OPRM1: variants seen among roughly 807,000 people sequenced by gnomAD.
The protein encoded by OPRM1 is mu-type opioid receptor.
A neutral mutation model predicts 31.8 loss-of-function variants in OPRM1; 27 were observed. The observed-to-expected ratio is 0.85, with a 90% CI of 0.63 to 1.17. The LOEUF (loss-of-function observed/expected upper bound fraction) is 1.17, where lower values mean the gene tolerates loss of function less well. Ranked by LOEUF, OPRM1 falls within the 50% of genes most tolerant of loss-of-function variation. OPRM1 has a pLI of 0.00. For synonymous variants in OPRM1, 196 were observed against 189.9 expected (o/e 1.03, Z -0.26); for missense variants, 536 against 511.1 (o/e 1.05, Z -0.47).
chr6:154,154,776 A>T (rs1390845249), intron 3 of OPRM1: 1 of 152,600 alleles, frequency 6.6e-6, no homozygotes, highest in Non-Finnish European at 1.5e-5. Context: ...ATAAAGCAGG[A>T]GAGAAATGAG....
At chr6:154,010,800 T>G in exon 1 of OPRM1, 1 of 1,402,938 alleles carries the variant, frequency 7.1e-7, no homozygotes, top group Non-Finnish European at 9.3e-7. Context: ...AGAACTGGGC[T>G]GCTCTGAGAT....
At chr6:154,105,615 C>G (rs1034228264) in intron 3 of OPRM1, among the ~76,000 whole-genome samples, 2 of 152,106 alleles carry the variant, frequency 1.3e-5, no homozygotes, top group Non-Finnish European at 2.9e-5. Flanking sequence ...ACTATTAAAG[C>G]CACAATTGAT....
chr6:154,186,615 G>C (rs1378405656), intron 3 of OPRM1, among the ~76,000 whole-genome samples: 7 of 151,774 alleles, frequency 4.6e-5, no homozygotes, highest in African/African-American at 1.7e-4. Context: ...GGAGTGCAGT[G>C]GTGCGATCTT....
chr6:154,201,562 T>C (rs921333644), intron 3 of OPRM1, among the ~76,000 whole-genome samples: 1 of 152,192 alleles, frequency 6.6e-6, no homozygotes, highest in Non-Finnish European at 1.5e-5. Context: ...TTGCATTACA[T>C]CATCCTATGG....
chr6:154,022,378 G>T (rs751566743), intron 1 of OPRM1, among the ~76,000 whole-genome samples: 1 of 132,896 alleles, frequency 7.5e-6, no homozygotes, highest in Non-Finnish European at 1.5e-5. Flanking sequence ...TCTGCTCCAC[G>T]CCCCGTGGCT....
chr6:154,085,528 T>C (rs1296517745), intron 1 of OPRM1, among the ~76,000 whole-genome samples: 1 of 152,220 alleles, frequency 6.6e-6, no homozygotes, highest in Non-Finnish European at 1.5e-5. Flanking sequence ...GGCCACTGCT[T>C]CGAGCAGAAG....
At chr6:154,061,745 A>G (rs1295901824) in intron 1 of OPRM1, among the ~76,000 whole-genome samples, 1 of 152,006 alleles carries the variant, frequency 6.6e-6, no homozygotes, top group African/African-American at 2.4e-5. Flanking sequence ...TGACAAAATC[A>G]TTTGAACACC....
At chr6:154,221,386 T>A (rs968763707) in intron 3 of OPRM1, 4 of 1,317,872 alleles carry the variant, frequency 3.0e-6, no homozygotes, top group African/African-American at 2.9e-5. Flanking sequence ...CAACAATGGG[T>A]CTGAAAGTAA....
intron 3 of OPRM1, among the ~76,000 whole-genome samples, chr6:154,207,001 G>C (rs1171338265): frequency 6.6e-6 from 1 of 152,232 alleles, no homozygotes; most frequent in African/African-American, 2.4e-5. Flanking sequence ...TTGTGCAGGT[G>C]AATCAATGTG....
intron 3 of OPRM1, among the ~76,000 whole-genome samples, chr6:154,204,445 A>G (rs962057976): frequency 2.0e-5 from 3 of 152,228 alleles, no homozygotes; most frequent in Non-Finnish European, 4.4e-5. Context: ...TATTGGCCAT[A>G]TTAGCAAAAA....
At position 154,130,556 on chromosome 6, in the gene OPRM1, G is replaced by A. The variant is rs1797837970; in HGVS notation, c.*11835G>A. Among the ~76,000 whole-genome samples, 1 of 151,958 alleles carries A rather than the reference G, an allele frequency of 6.6e-6. No individual in the cohort carries two copies. The highest frequency in any genetic ancestry group is 1.9e-4 in the East Asian group (1 of 5,188). ...ATACTCCTACCATAAAAATTTCTGT[G>A]TTAGGCATAGCTATATGAATATTTG... is the stretch of plus-strand genomic sequence containing the variant. On this transcript the variant is annotated 3_prime_UTR_variant, in exon 4 of 4. Transcript: ENST00000330432.
At chr6:154,152,390 A>AAGAAAGAAAGAAAGAAAGAGAG (rs1360734115) in intron 3 of OPRM1, among the ~76,000 whole-genome samples, 46 of 126,266 alleles carry the variant, frequency 3.6e-4, no homozygotes, top group African/African-American at 1.1e-3. Context: ...GAAAGAAAGA[A>AAGAAAGAAAGAAAGAAAGAGAG]AGAGAAATAG....
rs144744106 is a variant in OPRM1, at chr6:154,162,940, C to T, written c.1164+71468C>T. The stretch of plus-strand genomic sequence containing the variant: ...CACCAACTTCCAATGCACACCAAAC[C>T]CGGTTCCTACCGTAGTCTTCCACAA... On this transcript the variant is annotated intron_variant, in intron 3 of 3. Coordinates refer to the OPRM1 transcript ENST00000337049. 1.6e-3 allele frequency among the ~76,000 whole-genome samples: 245 copies of T among 152,284 alleles called. 1 individual carries two copies. The highest frequency in any genetic ancestry group is 0.01 in the Middle Eastern group (3 of 294).
At chr6:154,227,747 A>G (rs751505110) in intron 3 of OPRM1, among the ~76,000 whole-genome samples, 14 of 152,314 alleles carry the variant, frequency 9.2e-5, no homozygotes, top group Admixed American at 2.0e-4. Flanking sequence ...ATTAAATTTA[A>G]TCCATGTAAA....
intron 1 of OPRM1, among the ~76,000 whole-genome samples, chr6:154,085,950 C>T (rs187598436): frequency 1.5e-4 from 21 of 137,948 alleles, no homozygotes; most frequent in Admixed American, 2.4e-4. Flanking sequence ...TGCAGTGGTA[C>T]GATTCTCCTG....
At chr6:154,094,590 C>G (rs1793030789) in intron 3 of OPRM1, among the ~76,000 whole-genome samples, 1 of 152,154 alleles carries the variant, frequency 6.6e-6, no homozygotes, top group Non-Finnish European at 1.5e-5. Flanking sequence ...ATGGCCTCAG[C>G]AAGAATGACT....
At chr6:154,210,448 G>A (rs1433681686) in intron 3 of OPRM1, among the ~76,000 whole-genome samples, 1 of 152,144 alleles carries the variant, frequency 6.6e-6, no homozygotes, top group Non-Finnish European at 1.5e-5. Context: ...CAGAGACAGA[G>A]AGAAACTTAG....
chr6:154,209,330 C>T (rs1777768531), intron 3 of OPRM1, among the ~76,000 whole-genome samples: 1 of 152,116 alleles, frequency 6.6e-6, no homozygotes, highest in African/African-American at 2.4e-5. Context: ...CTGTATTGGG[C>T]CAAACACTAG....
Position 154,039,394 on chromosome 6 carries a change from G to A in OPRM1, c.-151G>A. The A allele has an allele frequency of 3.2e-6, 5 of 1,546,788 alleles. No homozygotes were observed. Among genetic ancestry groups the A allele is most frequent in the Non-Finnish European group, 4.4e-6 (5 of 1,143,828 alleles). Reference sequence around the variant, plus strand: ...CTCAGCTCGGTCCCCTCCGCCTGACGCTCCTCTCTGTCTCAGCCAGGACTG... The same window carrying A: ...CTCAGCTCGGTCCCCTCCGCCTGACACTCCTCTCTGTCTCAGCCAGGACTG... On this transcript the variant is annotated 5_prime_UTR_variant, in exon 1 of 4. Coordinates refer to ENST00000330432, the MANE Select transcript of OPRM1 (RefSeq NM_000914.5).
Sources: gnomAD v4.1 joint callset for allele counts (sites outside exome capture counted in the v4.1 genomes callset) on GRCh38, gnomAD v4.1.1 for gene constraint, MANE v1.5 for transcripts, NCBI Gene and HGNC (gene_info 2026-07-23, HGNC 2026-07-21) for gene names.